The following ZNF503 variants were observed in gnomAD, a reference collection of about 807,000 sequenced individuals.
ZNF503 encodes zinc finger protein 503, also known as NocA-like zinc finger 2.
Under a neutral mutation model 34.4 loss-of-function variants are expected in ZNF503, and 15 were observed. The observed-to-expected ratio is 0.44, with a 90% CI of 0.29 to 0.67. The LOEUF (loss-of-function observed/expected upper bound fraction) is 0.67. ZNF503 is among the 30% of genes least tolerant of loss of function. The pLI is 0.13. For missense variants in ZNF503, 1,007 were observed against 926.8 expected (o/e 1.09, Z -1.12); for synonymous variants, 580 against 456.8 (o/e 1.27, Z -3.44).
At chr10:75,321,596 G>A in the ZNF503 span, among the ~76,000 whole-genome samples, 9 of 152,216 alleles carry the variant, frequency 5.9e-5, no homozygotes, top group Admixed American at 5.2e-4. Context: ...TTGGGAAGTG[G>A]AACAAAAGTT....
the ZNF503 span, among the ~76,000 whole-genome samples, chr10:75,300,056 T>C: frequency 6.6e-6 from 1 of 152,340 alleles, no homozygotes; most frequent in East Asian, 1.9e-4. Context: ...GGGAGCGCTA[T>C]GGGAGACTGG....
the ZNF503 span, among the ~76,000 whole-genome samples, chr10:75,373,726 A>G: frequency 6.6e-6 from 1 of 152,222 alleles, no homozygotes; most frequent in South Asian, 2.1e-4. Context: ...ATGCAAAACA[A>G]GGAGAGGAAT....
the ZNF503 span, among the ~76,000 whole-genome samples, chr10:75,345,648 A>AAAAAG: frequency 1.3e-5 from 2 of 150,970 alleles, no homozygotes; most frequent in Non-Finnish European, 3.0e-5. Context: ...AAAAAAAAAA[A>AAAAAG]AAAAGAAAAG....
the ZNF503 span, chr10:75,343,204 A>G: frequency 6.6e-6 from 1 of 152,220 alleles, no homozygotes; most frequent in Non-Finnish European, 1.5e-5. Flanking sequence ...GCTGAAATGT[A>G]TCCTTTGTCT....
the ZNF503 span, among the ~76,000 whole-genome samples, chr10:75,287,140 C>G: frequency 6.6e-6 from 1 of 152,152 alleles, no homozygotes; most frequent in South Asian, 2.1e-4. Flanking sequence ...GAAGTGCCCT[C>G]TGCATGGTCA....
the ZNF503 span, among the ~76,000 whole-genome samples, chr10:75,351,924 C>T: frequency 6.6e-6 from 1 of 152,258 alleles, no homozygotes; most frequent in East Asian, 1.9e-4. Context: ...ATCCACCTCC[C>T]AGGATTATGA....
the ZNF503 span, among the ~76,000 whole-genome samples, chr10:75,365,592 C>T: frequency 6.6e-6 from 1 of 152,320 alleles, no homozygotes; most frequent in Admixed American, 6.5e-5. Context: ...TTGACTTCAT[C>T]CCTGGGTTCC....
rs1053361594 is a variant in ZNF503 at position 75,399,884 on chromosome 10, C to T, written c.806G>A (p.Gly269Asp). Reference protein sequence around the residue: ...DVGGGGKGTGGASAEGGPTGL... With the variant: ...DVGGGGKGTGDASAEGGPTGL... ...CGTGGGTCCCCCTTCGGCCGAGGCG[C>T]CCCCGGTGCCCTTGCCACCGCCGCC... is the stretch of plus-strand genomic sequence containing the variant. Residue 269 changes from glycine (G) to aspartate (D), a missense_variant, in exon 2 of 2, where the codon GGC (glycine) becomes GAC (aspartate). Gly to Asp is a moderately conservative substitution (Grantham distance 94). Transcript: ENST00000372524. The T allele has an allele frequency of 6.9e-6, 11 of 1,600,556 alleles. No individual in the cohort carries two copies. The highest frequency in any genetic ancestry group is 1.7e-4 in the Middle Eastern group (1 of 6,044).
chr10:75,396,683 G>A (rs1450573597), downstream of ZNF503, among the ~76,000 whole-genome samples: 2 of 152,134 alleles, frequency 1.3e-5, no homozygotes, highest in Non-Finnish European at 2.9e-5. This position sits in a 1 kb window ranked among gnomAD's most constrained non-coding sequence, Gnocchi z 4.4. Flanking sequence ...TGACCCCAGG[G>A]AGCGGAGAGT....
At chr10:75,290,802 A>C in the ZNF503 span, among the ~76,000 whole-genome samples, 1 of 152,222 alleles carries the variant, frequency 6.6e-6, no homozygotes, top group African/African-American at 2.4e-5. Flanking sequence ...AAGAGCCCTG[A>C]AAGCCCAACA....
the ZNF503 span, among the ~76,000 whole-genome samples, chr10:75,372,657 G>A: frequency 1.3e-5 from 2 of 152,188 alleles, no homozygotes; most frequent in African/African-American, 4.8e-5. Flanking sequence ...AATCTATTGT[G>A]GTTTGATAAG....
chr10:75,317,301 G>A, the ZNF503 span, among the ~76,000 whole-genome samples: 9 of 118,422 alleles, frequency 7.6e-5, no homozygotes, highest in South Asian at 1.5e-3. Context: ...TTTTTGAGAC[G>A]GAGTCTCGCT....
the ZNF503 span, among the ~76,000 whole-genome samples, chr10:75,370,476 G>A: frequency 6.6e-6 from 1 of 152,020 alleles, no homozygotes; most frequent in Non-Finnish European, 1.5e-5. Context: ...TGCGGCTGGG[G>A]TGCTTTACAT....
chr10:75,362,461 A>C, the ZNF503 span, among the ~76,000 whole-genome samples: 128 of 151,908 alleles, frequency 8.4e-4, 1 homozygote, highest in African/African-American at 3.0e-3. Flanking sequence ...CCCCCAGCCC[A>C]CACCAGAGCA....
the ZNF503 span, among the ~76,000 whole-genome samples, chr10:75,385,934 C>A: frequency 6.6e-6 from 1 of 152,088 alleles, no homozygotes; most frequent in Non-Finnish European, 1.5e-5. Context: ...GTATACAATT[C>A]AAAAATTTAC....
the ZNF503 span, among the ~76,000 whole-genome samples, chr10:75,362,064 T>C: frequency 1.4e-4 from 22 of 152,234 alleles, no homozygotes; most frequent in African/African-American, 5.1e-4. Context: ...CCAGCTTCCC[T>C]ACCAGCCCCA....
chr10:75,368,514 A>G, the ZNF503 span, among the ~76,000 whole-genome samples: 1 of 152,260 alleles, frequency 6.6e-6, no homozygotes, highest in Non-Finnish European at 1.5e-5. Flanking sequence ...GGCTTCCTGG[A>G]GGCCAAAGCA....
Position 75,401,365 on chromosome 10 carries a change from CGCCGCCGCTGTGCTTACT to C in ZNF503, c.37_54del (p.Ser13_Gly18del). On this transcript the variant is annotated inframe_deletion, in exon 1 of 2. Coordinates refer to ENST00000372524, the MANE Select transcript of ZNF503 (RefSeq NM_032772.6). ...CCGCCGCCTCCGCCTCCGCCGCCGC[CGCCGCCGCTGTGCTTACT>C]GCTTCTTAGGGCAGAAAGCGAGGGC... The C allele has an allele frequency of 6.5e-7, 1 of 1,539,574 alleles. No homozygotes were observed. The highest frequency in any genetic ancestry group is 8.7e-7 in the Non-Finnish European group (1 of 1,146,574).
At chr10:75,397,555 A>G (rs963483868), downstream of ZNF503, among the ~76,000 whole-genome samples, 1 of 152,240 alleles carries the variant, frequency 6.6e-6, no homozygotes, top group Non-Finnish European at 1.5e-5. Context: ...ACTTTTAACA[A>G]GCCAGCTGCC....
Sources: gnomAD v4.1 joint callset for allele counts (sites outside exome capture counted in the v4.1 genomes callset) on GRCh38, gnomAD v4.1.1 for gene constraint, Gnocchi (gnomAD v3.1) non-coding constraint, MANE v1.5 for transcripts, NCBI Gene and HGNC (gene_info 2026-07-23, HGNC 2026-07-21) for gene names.